HS3ST1: variants seen among roughly 807,000 people sequenced by gnomAD.
HS3ST1 encodes heparan sulfate glucosamine 3-O-sulfotransferase 1.
HS3ST1 carries 8 observed loss-of-function variants against 20.7 expected under a neutral mutation model. The ratio of observed to expected loss-of-function variants is 0.39; its 90% CI spans 0.23 to 0.70. The LOEUF is 0.70. Ranked by LOEUF, HS3ST1 falls within the 30% of genes least tolerant of loss-of-function variation. The pLI, the probability that HS3ST1 is intolerant of heterozygous loss-of-function variation, is 0.46. For synonymous variants in HS3ST1, 205 were observed against 190.4 expected (o/e 1.08, Z -0.63); for missense variants, 436 against 423.4 (o/e 1.03, Z -0.26).
At position 11,398,024 on chromosome 4, in the gene HS3ST1, G is replaced by C. The variant is rs537602992; in HGVS notation, c.*1058C>G. ...GGGGGCAGGTACAGTGGTTCTCTTAGGTGCTACCTTCAACTCTGCCCTTTT... is the reference window on the plus strand; with the variant it reads ...GGGGGCAGGTACAGTGGTTCTCTTACGTGCTACCTTCAACTCTGCCCTTTT... On this transcript the variant is annotated 3_prime_UTR_variant, in exon 2 of 2. Coordinates refer to ENST00000002596, the MANE Select transcript of HS3ST1 (RefSeq NM_005114.4). The C allele has an allele frequency of 1.3e-5, 2 of 152,246 alleles. No individual in the cohort carries two copies. The highest frequency in any genetic ancestry group is 4.8e-5 in the African/African-American group (2 of 41,562). The allele number at this position is 152,246 out of a possible 1,614,324, so 9.4% of individuals were successfully genotyped here.
At chr4:11,424,860 C>A (rs200878132) in intron 1 of HS3ST1, among the ~76,000 whole-genome samples, 107 of 145,042 alleles carry the variant, frequency 7.4e-4, no homozygotes, top group African/African-American at 9.0e-4. Context: ...CCATCTCCCA[C>A]AAAAAAAAAA....
At position 11,394,527 on chromosome 4, in the gene HS3ST1, T is replaced by G; in HGVS notation, c.*4555A>C. ...GTCTTCCGAAATGAGCTGCTGCCGGTTAGGAGCATGTTTTATCACGTCCCT... is the reference window on the plus strand; with the variant it reads ...GTCTTCCGAAATGAGCTGCTGCCGGGTAGGAGCATGTTTTATCACGTCCCT... On this transcript the variant is annotated 3_prime_UTR_variant, in exon 2 of 2. Transcript: ENST00000002596. 6.6e-6 allele frequency: 1 copy of G among 152,336 alleles called. No homozygotes were observed. The highest frequency in any genetic ancestry group is 2.1e-4 in the South Asian group (1 of 4,824). The allele number at this position is 152,336 out of a possible 1,614,324, so 9.4% of individuals were successfully genotyped here. A position where few individuals can be genotyped will look rare whatever the true frequency, so the allele number is the denominator to read the frequency against.
intron 1 of HS3ST1, among the ~76,000 whole-genome samples, chr4:11,409,063 C>A (rs1472364689): frequency 6.6e-6 from 1 of 152,160 alleles, no homozygotes; most frequent in Non-Finnish European, 1.5e-5. Flanking sequence ...TGCAGATAGA[C>A]AAACTGAGGT....
chr4:11,399,718 G>A lies in HS3ST1; in HGVS notation c.288C>T (p.Tyr96=), dbSNP rs762388207. 2 of 1,613,948 alleles carry A rather than the reference G, an allele frequency of 1.2e-6. No individual in the cohort carries two copies. The highest frequency in any genetic ancestry group is 1.3e-5 in the African/African-American group (1 of 75,076). Residue 96 remains tyrosine (Y), a synonymous_variant, in exon 2 of 2, where the codon TAC becomes TAT. Coordinates refer to ENST00000002596, the MANE Select transcript of HS3ST1 (RefSeq NM_005114.4). The surrounding 1 kb of genome is among the most constrained non-coding windows in gnomAD (Gnocchi z 5.1). ...TGAGGTACCAGCCCAAGCCGTGGCT[G>A]TAATGCTCCTCCCAGTCGAAGAAGT... ...EVHFFDWEEH[Y]SHGLGWYLSQ...
intron 1 of HS3ST1, among the ~76,000 whole-genome samples, chr4:11,404,943 C>T: frequency 6.6e-6 from 1 of 152,202 alleles, no homozygotes; most frequent in East Asian, 1.9e-4. Context: ...GAAATGAAGT[C>T]TTGTGTCTAG....
At chr4:11,410,013 T>C (rs576761444) in intron 1 of HS3ST1, among the ~76,000 whole-genome samples, 1 of 152,248 alleles carries the variant, frequency 6.6e-6, no homozygotes, top group South Asian at 2.1e-4. Flanking sequence ...ATCTCATAAA[T>C]GGATATAAGT....
chr4:11,421,641 A>G (rs1485443024), intron 1 of HS3ST1, among the ~76,000 whole-genome samples: 1 of 152,254 alleles, frequency 6.6e-6, no homozygotes, highest in African/African-American at 2.4e-5. Context: ...CAAGTACTTC[A>G]TCTGCAGGAA....
At chr4:11,424,800 C>G (rs1230769961) in intron 1 of HS3ST1, among the ~76,000 whole-genome samples, 1 of 149,826 alleles carries the variant, frequency 6.7e-6, no homozygotes, top group Admixed American at 6.6e-5. Flanking sequence ...TGGGATCATT[C>G]AACTAAGCCC....
upstream of HS3ST1, among the ~76,000 whole-genome samples, chr4:11,430,611 A>G (rs1416357177): frequency 6.6e-6 from 1 of 152,188 alleles, no homozygotes. Context: ...GTGCCATAGT[A>G]TGAATTTCAT....
intron 1 of HS3ST1, among the ~76,000 whole-genome samples, chr4:11,427,280 G>A (rs1456809512): frequency 1.3e-5 from 2 of 152,234 alleles, no homozygotes; most frequent in East Asian, 1.9e-4. Flanking sequence ...GAAAGCGGGA[G>A]CGTGGGGACT....
chr4:11,415,051 T>C (rs1718736391), intron 1 of HS3ST1, among the ~76,000 whole-genome samples: 1 of 152,194 alleles, frequency 6.6e-6, no homozygotes. Flanking sequence ...AACTGTGGAA[T>C]AGACATTATT....
rs781598101 is a variant in HS3ST1, at chr4:11,399,964, C to A, written c.42G>T (p.Gln14His). The change falls in exon 2 of 2, where the codon CAG becomes CAT. Residue 14 changes from glutamine (Q) to histidine (H), a missense_variant. By Grantham distance (24) the Gln-to-His change is conservative (BLOSUM62 0). Transcript: ENST00000002596. The surrounding 1 kb of genome is among the most constrained non-coding windows in gnomAD (Gnocchi z 5.1). ...CGGGGCGGGAAGGCACTAGCTGGGG[C>A]TGGGCCACCAGCAGCACCGCGCCCA... The part of the protein sequence containing the change: ...LLLGAVLLVA[Q>H]PQLVPSRPAE... The A allele has an allele frequency of 4.5e-6, 7 of 1,554,722 alleles. No individual in the cohort carries two copies. The South Asian group carries it at 8.1e-5, about 18-fold the overall frequency.
At chr4:11,429,701 C>T (rs1719167607), upstream of HS3ST1, 1 of 114,582 alleles carries the variant, frequency 8.7e-6, no homozygotes, top group Non-Finnish European at 1.7e-5. Context: ...TTGCAAACGT[C>T]AGCTCTGAAA....
At chr4:11,401,676 C>T (rs1422261574) in intron 1 of HS3ST1, among the ~76,000 whole-genome samples, 1 of 152,204 alleles carries the variant, frequency 6.6e-6, no homozygotes, top group Non-Finnish European at 1.5e-5. Context: ...GTAGTCTTGT[C>T]TAAGGACACA....
intron 1 of HS3ST1, among the ~76,000 whole-genome samples, chr4:11,413,155 A>G (rs763438053): frequency 4.6e-5 from 7 of 152,198 alleles, no homozygotes; most frequent in Non-Finnish European, 8.8e-5. Context: ...GTGCTTGGTC[A>G]TAGTAGCCCT....
intron 1 of HS3ST1, among the ~76,000 whole-genome samples, chr4:11,417,230 TAAAA>T (rs1241349925): frequency 6.6e-6 from 1 of 152,186 alleles, no homozygotes; most frequent in East Asian, 1.9e-4. Context: ...GCATTATAAT[TAAAA>T]TAATCAGTAA....
At chr4:11,410,098 T>C (rs1718578003) in intron 1 of HS3ST1, among the ~76,000 whole-genome samples, 1 of 152,190 alleles carries the variant, frequency 6.6e-6, no homozygotes, top group Admixed American at 6.5e-5. Flanking sequence ...GAGCAATGCC[T>C]AAGGTCTATG....
chr4:11,397,604 A>C lies in HS3ST1; in HGVS notation c.*1478T>G, dbSNP rs772981453. The stretch of plus-strand genomic sequence containing the variant: ...TGGCTCTGAGTAGCCTCTAAGCCTG[A>C]GTTTATAGTCAATGTGACCTTGGGC... On this transcript the variant is annotated 3_prime_UTR_variant, in exon 2 of 2. Coordinates refer to ENST00000002596, the MANE Select transcript of HS3ST1 (RefSeq NM_005114.4). 8 of 152,186 alleles carry C rather than the reference A, an allele frequency of 5.3e-5. No homozygotes were observed. The highest frequency in any genetic ancestry group is 8.8e-5 in the Non-Finnish European group (6 of 68,040). 9.4% of individuals were successfully genotyped at this position (152,186 alleles called of 1,614,324 possible).
At chr4:11,414,391 A>G (rs945398627) in intron 1 of HS3ST1, among the ~76,000 whole-genome samples, 2 of 152,124 alleles carry the variant, frequency 1.3e-5, no homozygotes, top group South Asian at 2.1e-4. Context: ...GCTTCTCACA[A>G]CCTTCTCAAG....
Sources: allele counts gnomAD v4.1 joint callset (sites outside exome capture counted in the v4.1 genomes callset), GRCh38; gene constraint gnomAD v4.1.1; non-coding constraint Gnocchi (gnomAD v3.1); transcripts MANE v1.5; gene names NCBI Gene and HGNC (gene_info 2026-07-23, HGNC 2026-07-21).